Variants in HPSE2 observed in about 807,000 individuals in gnomAD.
The protein encoded by HPSE2 is inactive heparanase-2.
A neutral mutation model predicts 60.5 loss-of-function variants in HPSE2; 38 were observed. The ratio of observed to expected loss-of-function variants is 0.63; its 90% CI spans 0.48 to 0.82. The LOEUF is 0.82. HPSE2 is among the 40% of genes least tolerant of loss of function. The pLI, the probability that HPSE2 is intolerant of heterozygous loss-of-function variation, is 0.00. For missense variants in HPSE2, 713 were observed against 740.4 expected, an observed-to-expected ratio of 0.96 and a Z score of 0.43; for synonymous variants, 295 against 293.2, an observed-to-expected ratio of 1.01 and a Z score of -0.06.
intron 3 of HPSE2, among the ~76,000 whole-genome samples, chr10:99,088,857 C>G (rs983957048): frequency 2.0e-5 from 3 of 152,112 alleles, no homozygotes; most frequent in African/African-American, 4.8e-5. Flanking sequence ...CACATCCACA[C>G]CAACATCTAT....
chr10:98,730,587 A>G (rs1316661599), intron 4 of HPSE2, among the ~76,000 whole-genome samples: 1 of 152,128 alleles, frequency 6.6e-6, no homozygotes, highest in Non-Finnish European at 1.5e-5. Flanking sequence ...TGACCACCGA[A>G]AAAAGAGAGA....
At chr10:98,540,516 A>AT (rs1026205790) in intron 9 of HPSE2, among the ~76,000 whole-genome samples, 24 of 152,230 alleles carry the variant, frequency 1.6e-4, no homozygotes, top group Non-Finnish European at 2.9e-4. Context: ...TCTTAAACAC[A>AT]TTTTTTAGAA....
intron 3 of HPSE2, among the ~76,000 whole-genome samples, chr10:98,825,531 C>A (rs533213973): frequency 6.6e-6 from 1 of 150,494 alleles, no homozygotes; most frequent in East Asian, 2.0e-4. Flanking sequence ...AATTCCTTTT[C>A]CTCCTTTGCT....
chr10:98,840,676 C>T (rs967190371), intron 3 of HPSE2, among the ~76,000 whole-genome samples: 13 of 151,796 alleles, frequency 8.6e-5, no homozygotes, highest in Non-Finnish European at 1.5e-4. Flanking sequence ...AGGAGTATAG[C>T]GTCATCAGCT....
At chr10:99,290,473 G>C in the HPSE2 span, among the ~76,000 whole-genome samples, 2 of 152,176 alleles carry the variant, frequency 1.3e-5, no homozygotes. Context: ...TGACAACAGA[G>C]CAACTCACTG....
intron 2 of HPSE2, among the ~76,000 whole-genome samples, chr10:99,216,298 G>A (rs946385951): frequency 8.8e-5 from 13 of 148,404 alleles, no homozygotes; most frequent in African/African-American, 2.0e-4. Context: ...GAGTTCAAGC[G>A]ATTCTCCTGC....
At chr10:98,492,862 T>C (rs1309211805) in intron 9 of HPSE2, among the ~76,000 whole-genome samples, 1 of 152,232 alleles carries the variant, frequency 6.6e-6, no homozygotes, top group Non-Finnish European at 1.5e-5. Context: ...CATTTTTAAG[T>C]GTACAGTTCA....
At chr10:98,792,264 T>C (rs1274273383) in intron 3 of HPSE2, among the ~76,000 whole-genome samples, 4 of 152,154 alleles carry the variant, frequency 2.6e-5, no homozygotes, top group African/African-American at 9.7e-5. Context: ...TTTATTTTTA[T>C]CATCAAGGTG....
At chr10:99,279,661 T>C in the HPSE2 span, among the ~76,000 whole-genome samples, 1 of 152,232 alleles carries the variant, frequency 6.6e-6, no homozygotes, top group East Asian at 1.9e-4. Context: ...GACAGAAGCA[T>C]TTAATAATCT....
intron 5 of HPSE2, among the ~76,000 whole-genome samples, chr10:98,710,009 GCTAA>G (rs1387317396): frequency 1.3e-5 from 2 of 152,154 alleles, no homozygotes; most frequent in African/African-American, 4.8e-5. Flanking sequence ...CTTTGGTTAT[GCTAA>G]CTAACACAAA....
At chr10:99,122,826 T>C (rs1845010473) in intron 3 of HPSE2, among the ~76,000 whole-genome samples, 1 of 152,058 alleles carries the variant, frequency 6.6e-6, no homozygotes, top group African/African-American at 2.4e-5. Flanking sequence ...AAAGTAATTA[T>C]ATGGGAATAG....
intron 3 of HPSE2, among the ~76,000 whole-genome samples, chr10:99,038,200 T>C (rs1957653283): frequency 6.6e-6 from 1 of 152,120 alleles, no homozygotes; most frequent in African/African-American, 2.4e-5. Context: ...ATGAAGACTA[T>C]GTCCTCACAA....
intron 9 of HPSE2, among the ~76,000 whole-genome samples, chr10:98,547,848 C>T (rs778467398): frequency 2.6e-5 from 4 of 151,836 alleles, no homozygotes; most frequent in African/African-American, 9.7e-5. Flanking sequence ...CACACACACA[C>T]ACACAAACTC....
intron 9 of HPSE2, among the ~76,000 whole-genome samples, chr10:98,530,945 T>C (rs779912066): frequency 2.6e-5 from 4 of 152,148 alleles, no homozygotes; most frequent in Non-Finnish European, 2.9e-5. Context: ...AGTCAGTCAT[T>C]TCTGCCCTTG....
chr10:98,722,465 T>C (rs1167625078), intron 4 of HPSE2, among the ~76,000 whole-genome samples: 2 of 151,994 alleles, frequency 1.3e-5, no homozygotes, highest in Non-Finnish European at 2.9e-5. Flanking sequence ...CCTCCTAAAA[T>C]ATCAGAGAAG....
At chr10:99,301,335 C>G in the HPSE2 span, among the ~76,000 whole-genome samples, 1 of 152,170 alleles carries the variant, frequency 6.6e-6, no homozygotes. Flanking sequence ...CTAGGGAAGA[C>G]TCTGACAGAG....
intron 3 of HPSE2, among the ~76,000 whole-genome samples, chr10:98,857,931 TTTTA>T (rs1952357133): frequency 6.6e-6 from 1 of 152,218 alleles, no homozygotes; most frequent in African/African-American, 2.4e-5. Context: ...AGGGCTGTAT[TTTTA>T]TTTGAGAAAA....
chr10:98,902,180 G>C (rs920211542), intron 3 of HPSE2, among the ~76,000 whole-genome samples: 3 of 152,140 alleles, frequency 2.0e-5, no homozygotes, highest in African/African-American at 7.2e-5. Flanking sequence ...AGGATTAGAA[G>C]AGATTTAGAA....
At chr10:99,034,268 G>T (rs576455426) in intron 3 of HPSE2, among the ~76,000 whole-genome samples, 17 of 152,254 alleles carry the variant, frequency 1.1e-4, no homozygotes, top group African/African-American at 2.9e-4. Flanking sequence ...CCTATGTATT[G>T]TATGATTCCA....
Sources: gnomAD v4.1 joint callset for allele counts (sites outside exome capture counted in the v4.1 genomes callset) on GRCh38, gnomAD v4.1.1 for gene constraint, MANE v1.5 for transcripts, NCBI Gene and HGNC (gene_info 2026-07-23, HGNC 2026-07-21) for gene names.